The following ARB2A variants were observed in gnomAD, a reference collection of about 807,000 sequenced individuals.
ARB2A encodes the protein cotranscriptional regulator ARB2A.
the ARB2A span, among the ~76,000 whole-genome samples, chr5:93,944,430 G>A: frequency 2.6e-5 from 4 of 151,690 alleles, no homozygotes; most frequent in East Asian, 1.9e-4. Context: ...ACCCCATCTC[G>A]CCAAAAAAAT....
At chr5:93,855,927 C>T in the ARB2A span, among the ~76,000 whole-genome samples, 8 of 151,864 alleles carry the variant, frequency 5.3e-5, no homozygotes, top group African/African-American at 9.7e-5. Context: ...TTCAAAGGAA[C>T]GCAGTTCCTC....
chr5:94,000,285 A>C, the ARB2A span, among the ~76,000 whole-genome samples: 2 of 152,026 alleles, frequency 1.3e-5, no homozygotes, highest in Non-Finnish European at 2.9e-5. Context: ...ACCAGCAATA[A>C]ATGAGAGTTC....
chr5:93,894,794 C>A, the ARB2A span, among the ~76,000 whole-genome samples: 1 of 152,096 alleles, frequency 6.6e-6, no homozygotes. Context: ...CGTAAATGCA[C>A]CCATCCTGGC....
At chr5:93,635,459 G>GTTTTTTTTT in the ARB2A span, among the ~76,000 whole-genome samples, 109 of 128,920 alleles carry the variant, frequency 8.5e-4, 7 homozygotes, top group African/African-American at 3.3e-3. Flanking sequence ...TTATACGAAA[G>GTTTTTTTTT]TTTTTTTTTT....
At chr5:93,936,530 T>C in the ARB2A span, among the ~76,000 whole-genome samples, 5 of 152,180 alleles carry the variant, frequency 3.3e-5, no homozygotes, top group Admixed American at 3.3e-4. Context: ...CAGTTATCAA[T>C]AGCAATTTTT....
the ARB2A span, among the ~76,000 whole-genome samples, chr5:93,982,409 T>C: frequency 1.2e-4 from 18 of 152,174 alleles, no homozygotes; most frequent in Non-Finnish European, 1.5e-5. Flanking sequence ...GCTGAATATA[T>C]ATGTATGTAC....
chr5:93,851,348 T>G, the ARB2A span, among the ~76,000 whole-genome samples: 66 of 152,312 alleles, frequency 4.3e-4, no homozygotes, highest in Admixed American at 3.7e-3. Flanking sequence ...TGATATGACT[T>G]ATCCATTATA....
the ARB2A span, among the ~76,000 whole-genome samples, chr5:93,822,347 T>C: frequency 6.6e-6 from 1 of 152,188 alleles, no homozygotes; most frequent in Admixed American, 6.6e-5. Flanking sequence ...AAAATAGGAC[T>C]GACACACTGG....
At chr5:93,657,277 G>A in the ARB2A span, among the ~76,000 whole-genome samples, 2 of 152,146 alleles carry the variant, frequency 1.3e-5, no homozygotes, top group African/African-American at 4.8e-5. Context: ...GGGAAAACTG[G>A]GATGCAGTTA....
At chr5:93,830,323 A>C in the ARB2A span, among the ~76,000 whole-genome samples, 1 of 43,228 alleles carries the variant, frequency 2.3e-5, no homozygotes, top group African/African-American at 5.8e-5. Context: ...ATATATATAT[A>C]TATATATATA....
At chr5:93,701,624 A>G in the ARB2A span, among the ~76,000 whole-genome samples, 2 of 152,030 alleles carry the variant, frequency 1.3e-5, no homozygotes, top group African/African-American at 4.8e-5. Flanking sequence ...TTTCCCATGG[A>G]AATCAATATA....
the ARB2A span, among the ~76,000 whole-genome samples, chr5:93,942,786 T>C: frequency 6.6e-6 from 1 of 152,088 alleles, no homozygotes; most frequent in Non-Finnish European, 1.5e-5. Flanking sequence ...AGAAACTTCG[T>C]GGTTTCTTGC....
chr5:93,908,269 T>C, the ARB2A span, among the ~76,000 whole-genome samples: 1 of 151,112 alleles, frequency 6.6e-6, no homozygotes, highest in Non-Finnish European at 1.5e-5. Flanking sequence ...CCAAATAAAA[T>C]ATATTAAGCT....
chr5:93,647,473 G>T, the ARB2A span, among the ~76,000 whole-genome samples: 1 of 151,244 alleles, frequency 6.6e-6, no homozygotes, highest in East Asian at 2.0e-4. Flanking sequence ...GGATCCGCTG[G>T]CCTCGGCCTC....
chr5:94,000,883 C>G, the ARB2A span, among the ~76,000 whole-genome samples: 1 of 152,030 alleles, frequency 6.6e-6, no homozygotes, highest in East Asian at 1.9e-4. Flanking sequence ...TCCATTTGTT[C>G]CAGCAAATTG....
chr5:93,930,824 T>C, the ARB2A span, among the ~76,000 whole-genome samples: 2 of 152,324 alleles, frequency 1.3e-5, no homozygotes, highest in Admixed American at 1.3e-4. Context: ...AAATACTCTT[T>C]TTATTTTTAT....
the ARB2A span, among the ~76,000 whole-genome samples, chr5:93,884,018 A>C: frequency 6.6e-6 from 1 of 151,504 alleles, no homozygotes; most frequent in Non-Finnish European, 1.5e-5. Flanking sequence ...TAGAATCTTA[A>C]AATTAGTAGA....
chr5:94,099,624 C>CA, the ARB2A span, among the ~76,000 whole-genome samples: 1,333 of 13,568 alleles, frequency 0.098, 314 homozygotes, highest in Non-Finnish European at 0.13. Flanking sequence ...GACTCCGTCT[C>CA]AAAAAAAAAA....
At chr5:93,743,625 A>AAT in the ARB2A span, 2 of 868,266 alleles carry the variant, frequency 2.3e-6, no homozygotes, top group Middle Eastern at 5.9e-4. Flanking sequence ...AAGAGAAAGC[A>AAT]ATATATATGC....
Sources: allele counts gnomAD v4.1 joint callset (sites outside exome capture counted in the v4.1 genomes callset), GRCh38; gene constraint gnomAD v4.1.1; transcripts MANE v1.5; gene names NCBI Gene and HGNC (gene_info 2026-07-23, HGNC 2026-07-21).